Variants in TNS3 observed in about 807,000 individuals in gnomAD.
TNS3 encodes tensin-3.
In TNS3, 45 loss-of-function variants were observed where a neutral mutation model predicts 140.9. That is an observed-to-expected ratio of 0.32 (90% CI 0.25 to 0.41). The LOEUF (loss-of-function observed/expected upper bound fraction) is 0.41, where lower values mean the gene tolerates loss of function less well. TNS3 is among the 10% of genes least tolerant of loss of function. The pLI, the probability that TNS3 is intolerant of heterozygous loss-of-function variation, is 1.00. For synonymous variants in TNS3, 815 were observed against 788.4 expected, an observed-to-expected ratio of 1.03 and a Z score of -0.56; for missense variants, 1,716 against 1,906.7, an observed-to-expected ratio of 0.90 and a Z score of 1.86.
At chr7:47,346,947 C>T (rs549127715) in intron 17 of TNS3, among the ~76,000 whole-genome samples, 1 of 152,326 alleles carries the variant, frequency 6.6e-6, no homozygotes, top group African/African-American at 2.4e-5. Context: ...TGACACAGAT[C>T]CCTGGGGTCC....
At chr7:47,389,900 G>A (rs753145992) in intron 16 of TNS3, among the ~76,000 whole-genome samples, 6 of 152,238 alleles carry the variant, frequency 3.9e-5, no homozygotes, top group Non-Finnish European at 5.9e-5. Context: ...GCCCGTTTCT[G>A]TCTCATACAA....
chr7:47,323,549 T>A (rs1787867168), intron 20 of TNS3, among the ~76,000 whole-genome samples: 1 of 152,176 alleles, frequency 6.6e-6, no homozygotes, highest in Non-Finnish European at 1.5e-5. Flanking sequence ...TGAGTCAAAG[T>A]AAGGGTAAAT....
chr7:47,309,307 T>C (rs930659666), intron 20 of TNS3, among the ~76,000 whole-genome samples: 23 of 152,182 alleles, frequency 1.5e-4, no homozygotes, highest in Non-Finnish European at 2.9e-4. Flanking sequence ...GAAATTAAAG[T>C]TAACTTATCA....
At chr7:47,515,645 C>T (rs1473863050) in intron 2 of TNS3, among the ~76,000 whole-genome samples, 1 of 151,884 alleles carries the variant, frequency 6.6e-6, no homozygotes, top group African/African-American at 2.4e-5. Flanking sequence ...AACATCATAC[C>T]ATCATCATCA....
At chr7:47,446,783 C>T (rs1795762888) in intron 4 of TNS3, among the ~76,000 whole-genome samples, 1 of 145,022 alleles carries the variant, frequency 6.9e-6, no homozygotes, top group African/African-American at 2.6e-5. Flanking sequence ...TCAGTGACTT[C>T]TCGGGCTCAG....
At chr7:47,525,206 C>T (rs906522187) in intron 2 of TNS3, among the ~76,000 whole-genome samples, 16 of 152,152 alleles carry the variant, frequency 1.1e-4, no homozygotes, top group Non-Finnish European at 1.6e-4. Context: ...CTTGAATCCT[C>T]GGAGGTGACG....
intron 16 of TNS3, among the ~76,000 whole-genome samples, chr7:47,387,208 G>A (rs1036213013): frequency 6.6e-6 from 1 of 152,214 alleles, no homozygotes; most frequent in Non-Finnish European, 1.5e-5. Flanking sequence ...AAATCTTTAT[G>A]CAGAAACCCA....
At chr7:47,483,011 T>G (rs1315246465) in intron 3 of TNS3, among the ~76,000 whole-genome samples, 2 of 152,154 alleles carry the variant, frequency 1.3e-5, no homozygotes, top group Non-Finnish European at 2.9e-5. Context: ...TCATTCTGCA[T>G]TTGTCTAAAC....
intron 10 of TNS3, among the ~76,000 whole-genome samples, chr7:47,419,315 C>G (rs890013603): frequency 7.2e-5 from 11 of 152,194 alleles, no homozygotes; most frequent in African/African-American, 2.7e-4. Context: ...ACCCTTTTTC[C>G]GCAGGCTGTG....
intron 24 of TNS3, among the ~76,000 whole-genome samples, chr7:47,294,357 A>G (rs565304469): frequency 6.6e-6 from 1 of 152,318 alleles, no homozygotes; most frequent in South Asian, 2.1e-4. Flanking sequence ...ACTCTACCAC[A>G]TTGCTATTAA....
chr7:47,326,574 C>G (rs560463637), intron 20 of TNS3, among the ~76,000 whole-genome samples: 12 of 152,046 alleles, frequency 7.9e-5, no homozygotes, highest in African/African-American at 2.9e-4. Context: ...AAGACAGCAC[C>G]AGGCTCCCCA....
At chr7:47,424,510 G>A (rs1356245688) in intron 9 of TNS3, among the ~76,000 whole-genome samples, 1 of 152,218 alleles carries the variant, frequency 6.6e-6, no homozygotes, top group African/African-American at 2.4e-5. Flanking sequence ...CAGCAGGCAG[G>A]TGGTAGGGCT....
intron 4 of TNS3, among the ~76,000 whole-genome samples, chr7:47,469,063 C>T (rs1342933971): frequency 6.6e-6 from 1 of 152,200 alleles, no homozygotes; most frequent in African/African-American, 2.4e-5. Context: ...TAGACCCTTA[C>T]CTTTCACCGT....
At chr7:47,494,563 G>C (rs971782541) in intron 3 of TNS3, among the ~76,000 whole-genome samples, 2 of 152,198 alleles carry the variant, frequency 1.3e-5, no homozygotes, top group African/African-American at 4.8e-5. Flanking sequence ...CCAGTGATAA[G>C]GGAGGGTTAA....
intron 16 of TNS3, among the ~76,000 whole-genome samples, chr7:47,378,425 GAT>G (rs1296396004): frequency 1.3e-5 from 2 of 152,102 alleles, no homozygotes; most frequent in East Asian, 3.9e-4. Flanking sequence ...GTCATTTTTT[GAT>G]ATGACTGAAA....
intron 20 of TNS3, among the ~76,000 whole-genome samples, chr7:47,318,652 G>A (rs117971099): frequency 0.029 from 4,471 of 152,234 alleles, 103 homozygotes; most frequent in Non-Finnish European, 0.044. Flanking sequence ...ACAAACAGAG[G>A]AAGTATTGCC....
At chr7:47,473,162 T>G (rs540195173) in intron 4 of TNS3, among the ~76,000 whole-genome samples, 17 of 152,170 alleles carry the variant, frequency 1.1e-4, no homozygotes, top group Non-Finnish European at 2.5e-4. Context: ...TGACTGAGTG[T>G]CAAGGTAAGA....
intron 20 of TNS3, among the ~76,000 whole-genome samples, chr7:47,338,858 G>A (rs1318440931): frequency 1.1e-4 from 17 of 152,030 alleles, no homozygotes; most frequent in African/African-American, 3.4e-4. Flanking sequence ...GTGTATATCC[G>A]GTAATGGGAC....
chr7:47,286,992 A>G (rs2150577275), intron 27 of TNS3, among the ~76,000 whole-genome samples: 1 of 151,950 alleles, frequency 6.6e-6, no homozygotes, highest in Admixed American at 6.6e-5. Flanking sequence ...CCTGCTGTCC[A>G]CTCTTCCTCC....
Sources: gnomAD v4.1 joint callset for allele counts (sites outside exome capture counted in the v4.1 genomes callset) on GRCh38, gnomAD v4.1.1 for gene constraint, MANE v1.5 for transcripts, NCBI Gene and HGNC (gene_info 2026-07-23, HGNC 2026-07-21) for gene names.